The following TRIM62 variants were observed in gnomAD, a reference collection of about 807,000 sequenced individuals.
TRIM62 encodes the protein E3 ubiquitin-protein ligase TRIM62.
A neutral mutation model predicts 44.2 loss-of-function variants in TRIM62; 39 were observed. The ratio of observed to expected loss-of-function variants is 0.88; its 90% CI spans 0.68 to 1.15. The LOEUF (loss-of-function observed/expected upper bound fraction) is 1.15, where lower values mean the gene tolerates loss of function less well. Among genes scored for constraint, TRIM62 ranks in the 50% most tolerant of loss-of-function variants. The pLI is 0.00. For missense variants in TRIM62, 544 were observed against 665.5 expected (o/e 0.82, Z 2.01); for synonymous variants, 278 against 292.3 (o/e 0.95, Z 0.50).
Position 33,165,907 on chromosome 1 carries a change from A to C in TRIM62, c.409-341T>G. ...ATTAAGGCAGGGGTCTCCAACCCCC[A>C]GGCCACAGGTGGGTATTGGTCCATA... On this transcript the variant is annotated intron_variant, in intron 1 of 4. Transcript: ENST00000291416. This position sits in a 1 kb window ranked among gnomAD's most constrained non-coding sequence, Gnocchi z 4.0. 5.4e-6 allele frequency: 1 copy of C among 185,336 alleles called. No individual in the cohort carries two copies. Among genetic ancestry groups the C allele is most frequent in the Non-Finnish European group, 1.1e-5 (1 of 89,730 alleles). 11.5% of individuals were successfully genotyped at this position (185,336 alleles called of 1,614,324 possible).
At chr1:33,169,370 C>A (rs1404617704) in intron 1 of TRIM62, among the ~76,000 whole-genome samples, 1 of 152,206 alleles carries the variant, frequency 6.6e-6, no homozygotes, top group Admixed American at 6.5e-5. Flanking sequence ...GGAATTTGTT[C>A]TCTCCTCTCT....
chr1:33,154,286 G>C (rs527655667), intron 4 of TRIM62, among the ~76,000 whole-genome samples: 1 of 152,016 alleles, frequency 6.6e-6, no homozygotes, highest in Admixed American at 6.6e-5. Context: ...CCCAGTCACT[G>C]ACCCAGGACA....
chr1:33,164,308 C>G (rs1369273172), intron 2 of TRIM62: 1 of 152,280 alleles, frequency 6.6e-6, no homozygotes, highest in Admixed American at 6.5e-5. Flanking sequence ...AGGATGACCT[C>G]CAGAGGCCCA....
chr1:33,160,803 C>G (rs547314521), intron 2 of TRIM62, among the ~76,000 whole-genome samples: 1 of 152,196 alleles, frequency 6.6e-6, no homozygotes, highest in East Asian at 1.9e-4. Context: ...TAAATTGCAA[C>G]GTATTGAGAA....
At chr1:33,160,359 G>A (rs577975156) in intron 2 of TRIM62, among the ~76,000 whole-genome samples, 3 of 152,094 alleles carry the variant, frequency 2.0e-5, no homozygotes, top group South Asian at 4.2e-4. Flanking sequence ...ACAGGGTGAA[G>A]ATGTTCTCTC....
Position 33,147,098 on chromosome 1 carries a change from G to A in TRIM62, c.*79C>T. The A allele has an allele frequency of 2.0e-6, 3 of 1,519,464 alleles. No individual in the cohort carries two copies. The highest frequency in any genetic ancestry group is 1.8e-5 in the Admixed American group (1 of 54,112). 94.1% of individuals were successfully genotyped at this position (1,519,464 alleles called of 1,614,324 possible). ...TCTCCAGTGGCCACGGTGGGCTGGA[G>A]TCCAGGTCTTCTATCTCCTGGGCAG... is the stretch of plus-strand genomic sequence containing the variant. On this transcript the variant is annotated 3_prime_UTR_variant, in exon 5 of 5. Coordinates refer to ENST00000291416, the MANE Select transcript of TRIM62 (RefSeq NM_018207.3). The surrounding 1 kb of genome is among the most constrained non-coding windows in gnomAD (Gnocchi z 8.1).
intron 1 of TRIM62, among the ~76,000 whole-genome samples, chr1:33,170,020 T>C (rs1201400663): frequency 6.6e-6 from 1 of 152,184 alleles, no homozygotes; most frequent in Non-Finnish European, 1.5e-5. Flanking sequence ...ATTGCAAGGT[T>C]ACCTGTCAAT....
chr1:33,182,023 T>C lies in TRIM62; in HGVS notation c.-591A>G, dbSNP rs1645469654. Reference sequence around the variant, plus strand: ...GCGAGCTTAGCAGCCACCGCTTCGGTCCAGCGCAGCCTCTCAACCCGGAAC... The same window carrying C: ...GCGAGCTTAGCAGCCACCGCTTCGGCCCAGCGCAGCCTCTCAACCCGGAAC... On this transcript the variant is annotated 5_prime_UTR_variant, in exon 1 of 5. Coordinates refer to ENST00000291416, the MANE Select transcript of TRIM62 (RefSeq NM_018207.3). 1 of 152,932 alleles carries C rather than the reference T, an allele frequency of 6.5e-6. No individual in the cohort carries two copies. Among genetic ancestry groups the C allele is most frequent in the African/African-American group, 2.4e-5 (1 of 41,414 alleles). The allele number at this position is 152,932 out of a possible 1,614,324, so 9.5% of individuals were successfully genotyped here.
At chr1:33,153,965 T>C (rs1645137658) in intron 4 of TRIM62, among the ~76,000 whole-genome samples, 1 of 152,100 alleles carries the variant, frequency 6.6e-6, no homozygotes, top group Non-Finnish European at 1.5e-5. Context: ...AGTGAGACCA[T>C]GTAAGCCCAG....
rs1645362156 is a variant in TRIM62 at position 33,170,216 on chromosome 1, G to A, written c.409-4650C>T. Among the ~76,000 whole-genome samples the A allele has an allele frequency of 2.0e-5, 3 of 152,076 alleles. No homozygotes were observed. In the South Asian group the frequency reaches 6.2e-4, roughly 32 times the overall value. On this transcript the variant is annotated intron_variant, in intron 1 of 4. Coordinates refer to ENST00000291416, the MANE Select transcript of TRIM62 (RefSeq NM_018207.3). Reference sequence around the variant, plus strand: ...ATGGTGGTGGATGCCTGTAATTCCAGCTACTTGGGAGGCTGAGGAGCAAGA... The same window carrying A: ...ATGGTGGTGGATGCCTGTAATTCCAACTACTTGGGAGGCTGAGGAGCAAGA...
At chr1:33,172,924 G>T (rs1645385393) in intron 1 of TRIM62, among the ~76,000 whole-genome samples, 1 of 152,200 alleles carries the variant, frequency 6.6e-6, no homozygotes, top group Non-Finnish European at 1.5e-5. Flanking sequence ...TCACAGTGTT[G>T]TGATGAAGGC....
At chr1:33,180,490 G>A (rs1336929045) in intron 1 of TRIM62, among the ~76,000 whole-genome samples, 1 of 152,040 alleles carries the variant, frequency 6.6e-6, no homozygotes, top group Non-Finnish European at 1.5e-5. Flanking sequence ...ACCCTCACCT[G>A]TCCAGCACAT....
chr1:33,180,773 G>C (rs1393697915), intron 1 of TRIM62, among the ~76,000 whole-genome samples: 2 of 152,260 alleles, frequency 1.3e-5, no homozygotes, highest in African/African-American at 4.8e-5. Context: ...CGGACCAGCC[G>C]GTACTCCAGG....
intron 4 of TRIM62, among the ~76,000 whole-genome samples, 184 bp downstream of exon 4, chr1:33,158,069 T>C (rs1645205351): frequency 6.6e-6 from 1 of 152,118 alleles, no homozygotes; most frequent in Admixed American, 6.5e-5. Flanking sequence ...CCTGGGGTGT[T>C]ATGAAGGTCC....
At chr1:33,150,864 T>C (rs659297) in intron 4 of TRIM62, among the ~76,000 whole-genome samples, 149,017 of 152,224 alleles carry the variant, frequency 0.98, 72,972 homozygotes, top group East Asian at 0.99. Context: ...GGTGTGACAG[T>C]GGAGGGGCAG....
Position 33,177,338 on chromosome 1 carries a change from C to A in TRIM62, c.408+3687G>T, listed in dbSNP as rs1025870079. On this transcript the variant is annotated intron_variant, in intron 1 of 4. Coordinates refer to ENST00000291416, the MANE Select transcript of TRIM62 (RefSeq NM_018207.3). This position sits in a 1 kb window ranked among gnomAD's most constrained non-coding sequence, Gnocchi z 4.1. Reference sequence around the variant, plus strand: ...ATGCCAGGCACAGTACTAGGCACTTCTGATAAAGGATCCCTAACCCTTACA... The same window carrying A: ...ATGCCAGGCACAGTACTAGGCACTTATGATAAAGGATCCCTAACCCTTACA... 6.6e-6 allele frequency among the ~76,000 whole-genome samples: 1 copy of A among 152,190 alleles called. No homozygotes were observed. Among genetic ancestry groups the A allele is most frequent in the Non-Finnish European group, 1.5e-5 (1 of 68,034 alleles).
At chr1:33,172,399 G>C (rs962817191) in intron 1 of TRIM62, among the ~76,000 whole-genome samples, 3 of 152,112 alleles carry the variant, frequency 2.0e-5, no homozygotes, top group African/African-American at 7.2e-5. Flanking sequence ...AGTCGGGGTG[G>C]TTGGGGATGG....
At chr1:33,173,945 A>T (rs1452720046) in intron 1 of TRIM62, among the ~76,000 whole-genome samples, 2 of 152,032 alleles carry the variant, frequency 1.3e-5, no homozygotes, top group African/African-American at 4.8e-5. Context: ...GCCTCAAATG[A>T]TCCTCCCACC....
At position 33,170,803 on chromosome 1, in the gene TRIM62, CCT is replaced by C. The variant is rs555116288; in HGVS notation, c.409-5239_409-5238del. On this transcript the variant is annotated intron_variant, in intron 1 of 4. Coordinates refer to ENST00000291416, the MANE Select transcript of TRIM62 (RefSeq NM_018207.3). ...TGTGTGACCCTAGGATGTCACCTAA[CCT>C]CTCTGTGCCCCAGTGCCTTGTCTGA... Among the ~76,000 whole-genome samples the C allele has an allele frequency of 1.3e-3, 199 of 152,316 alleles. 1 individual carries two copies. Among genetic ancestry groups the C allele is most frequent in the Admixed American group, 9.6e-3 (147 of 15,312 alleles).
Sources: allele counts gnomAD v4.1 joint callset (sites outside exome capture counted in the v4.1 genomes callset), GRCh38; gene constraint gnomAD v4.1.1; non-coding constraint Gnocchi (gnomAD v3.1); transcripts MANE v1.5; gene names NCBI Gene and HGNC (gene_info 2026-07-23, HGNC 2026-07-21).